Variants in SH3RF2 observed in about 807,000 individuals in gnomAD.
SH3RF2 encodes the protein SH3 domain containing ring finger 2, also known as E3 ubiquitin-protein ligase SH3RF2.
A neutral mutation model predicts 59.0 loss-of-function variants in SH3RF2; 43 were observed. The ratio of observed to expected loss-of-function variants is 0.73; its 90% CI spans 0.57 to 0.94. SH3RF2 has a LOEUF of 0.94. Ranked by LOEUF, SH3RF2 falls within the 40% of genes least tolerant of loss-of-function variation. The pLI is 0.00. For synonymous variants in SH3RF2, 391 were observed against 391.5 expected (o/e 1.00, Z 0.01); for missense variants, 930 against 940.1 (o/e 0.99, Z 0.14).
chr5:146,002,312 G>A lies in SH3RF2; in HGVS notation c.649-1746G>A, dbSNP rs558739238. 9.3e-4 allele frequency among the ~76,000 whole-genome samples: 142 copies of A among 152,198 alleles called. 1 individual carries two copies. The highest frequency in any genetic ancestry group is 2.3e-3 in the South Asian group (11 of 4,818). On this transcript the variant is annotated intron_variant, in intron 3 of 9. Coordinates refer to ENST00000359120, the MANE Select transcript of SH3RF2 (RefSeq NM_152550.4). ...CTAAAAATACAAAAATTAGTCAGGCGTGGTTGCGCGTGCCTGTAATCCCAG... is the reference window on the plus strand; with the variant it reads ...CTAAAAATACAAAAATTAGTCAGGCATGGTTGCGCGTGCCTGTAATCCCAG...
At chr5:145,975,381 T>C (rs1580799023) in intron 2 of SH3RF2, among the ~76,000 whole-genome samples, 1 of 152,216 alleles carries the variant, frequency 6.6e-6, no homozygotes, top group South Asian at 2.1e-4. Flanking sequence ...GTTGGCCAAG[T>C]CTCTCATCTT....
chr5:146,076,253 G>C (rs1580963098), intron 9 of SH3RF2, among the ~76,000 whole-genome samples: 1 of 152,158 alleles, frequency 6.6e-6, no homozygotes. Context: ...TGCAGATGCT[G>C]TAATCTGGGA....
At chr5:145,943,850 T>C (rs1757911414) in intron 2 of SH3RF2, among the ~76,000 whole-genome samples, 1 of 152,204 alleles carries the variant, frequency 6.6e-6, no homozygotes, top group Non-Finnish European at 1.5e-5. Context: ...CCTCAATTAT[T>C]TGCCGTGTGC....
intron 3 of SH3RF2, among the ~76,000 whole-genome samples, 167 bp downstream of exon 3, chr5:146,000,494 T>C (rs1760367049): frequency 6.6e-6 from 1 of 152,216 alleles, no homozygotes; most frequent in Admixed American, 6.5e-5. Flanking sequence ...AAATTACGTA[T>C]GTATATATGT....
At chr5:145,948,361 A>G (rs1282118099) in intron 2 of SH3RF2, among the ~76,000 whole-genome samples, 1 of 152,238 alleles carries the variant, frequency 6.6e-6, no homozygotes, top group Admixed American at 6.5e-5. Flanking sequence ...CAAACCTCAG[A>G]ATGCATTGCG....
intron 2 of SH3RF2, among the ~76,000 whole-genome samples, chr5:145,969,842 C>T (rs1168767354): frequency 6.6e-6 from 1 of 152,074 alleles, no homozygotes; most frequent in Non-Finnish European, 1.5e-5. Flanking sequence ...TGAGGGTGAT[C>T]AATATACACT....
chr5:146,028,228 A>C (rs1561750752), intron 5 of SH3RF2, among the ~76,000 whole-genome samples: 2 of 151,198 alleles, frequency 1.3e-5, no homozygotes, highest in Admixed American at 6.6e-5. Context: ...TTCAACAAGA[A>C]AGGAAGACAA....
intron 9 of SH3RF2, among the ~76,000 whole-genome samples, chr5:146,062,061 G>A (rs557395884): frequency 3.5e-4 from 54 of 152,274 alleles, no homozygotes; most frequent in African/African-American, 7.0e-4. Context: ...TTAATAGTAC[G>A]TAGAGAGGAG....
rs764745844 is a variant in SH3RF2 at position 145,938,270 on chromosome 5, C to T, written c.342C>T (p.Phe114=). The stretch of plus-strand genomic sequence containing the variant: ...CCAGACGTCTGCAGGCCAGTCCTTT[C>T]CGGCTAGTGCCTAATGTCAGAATCC... The part of the protein sequence containing the change: ...TNPRRLQASP[F]RLVPNVRIHM... The change falls in exon 2 of 10, where the codon TTC becomes TTT. Residue 114 remains phenylalanine, a synonymous_variant. Coordinates refer to ENST00000359120, the MANE Select transcript of SH3RF2 (RefSeq NM_152550.4). 52 of 1,583,926 alleles carry T rather than the reference C, an allele frequency of 3.3e-5. No homozygotes were observed. The highest frequency in any genetic ancestry group is 3.4e-4 in the Middle Eastern group (2 of 5,954).
chr5:145,958,816 C>T (rs765601275), intron 2 of SH3RF2, among the ~76,000 whole-genome samples: 7 of 152,152 alleles, frequency 4.6e-5, no homozygotes, highest in Non-Finnish European at 8.8e-5. Flanking sequence ...TCAGAAGCCT[C>T]CACACCAGGC....
chr5:146,070,338 G>A (rs1479590337), intron 9 of SH3RF2, among the ~76,000 whole-genome samples: 1 of 152,142 alleles, frequency 6.6e-6, no homozygotes, highest in Non-Finnish European at 1.5e-5. Context: ...TTGTCTCACA[G>A]GGTCAAGCCC....
intron 2 of SH3RF2, among the ~76,000 whole-genome samples, chr5:145,950,959 T>G (rs1313767163): frequency 2.0e-5 from 3 of 152,240 alleles, no homozygotes; most frequent in Non-Finnish European, 4.4e-5. Flanking sequence ...TTAGCCTTAC[T>G]ATGGTTATGG....
At chr5:146,023,210 TTTC>T (rs1420944577) in intron 5 of SH3RF2, among the ~76,000 whole-genome samples, 12 of 152,094 alleles carry the variant, frequency 7.9e-5, no homozygotes, top group East Asian at 1.9e-4. Context: ...TTTTTTCTTT[TTTC>T]TTTTTTCTTT....
At chr5:146,004,781 A>G (rs1488855042) in intron 4 of SH3RF2, among the ~76,000 whole-genome samples, 1 of 152,128 alleles carries the variant, frequency 6.6e-6, no homozygotes, top group African/African-American at 2.4e-5. Context: ...TTCATTGTTA[A>G]GTTTTTTAAA....
At chr5:145,987,301 A>G (rs1474919888) in intron 2 of SH3RF2, among the ~76,000 whole-genome samples, 2 of 152,154 alleles carry the variant, frequency 1.3e-5, no homozygotes, top group African/African-American at 4.8e-5. Context: ...TCACCTGAGC[A>G]ATATATACTG....
At chr5:146,035,614 C>A (rs1761911480) in intron 5 of SH3RF2, among the ~76,000 whole-genome samples, 1 of 152,202 alleles carries the variant, frequency 6.6e-6, no homozygotes, top group Admixed American at 6.5e-5. Context: ...CCCATGTCTC[C>A]TGTTTTGGTC....
At chr5:145,980,207 C>A (rs767015831) in intron 2 of SH3RF2, among the ~76,000 whole-genome samples, 1 of 152,132 alleles carries the variant, frequency 6.6e-6, no homozygotes, top group Non-Finnish European at 1.5e-5. Flanking sequence ...TAGTAACAAA[C>A]GACAAGAGTT....
rs142262740 is a variant in SH3RF2 at position 146,060,005 on chromosome 5, C to T, written c.1695C>T (p.Ala565=). The T allele has an allele frequency of 2.4e-4, 384 of 1,601,302 alleles. No homozygotes were observed. Among genetic ancestry groups the T allele is most frequent in the South Asian group, 9.6e-4 (86 of 89,244 alleles). The change falls in exon 9 of 10, where the codon GCC becomes GCT. Residue 565 remains alanine, a synonymous_variant. Transcript: ENST00000359120. ...QPQGIPSSPS[A]VVVEMGSKPA... ...AGGGGATCCCCTCCTCCCCCTCAGC[C>T]GTGGTGGTGGAGATGGGGTCCAAGC...
intron 2 of SH3RF2, among the ~76,000 whole-genome samples, chr5:145,989,605 C>T (rs1186003029): frequency 1.3e-5 from 2 of 152,174 alleles, no homozygotes; most frequent in Non-Finnish European, 2.9e-5. Context: ...CTGCATTCTC[C>T]AGTGATGGGC....
Sources: allele counts gnomAD v4.1 joint callset (sites outside exome capture counted in the v4.1 genomes callset), GRCh38; gene constraint gnomAD v4.1.1; transcripts MANE v1.5; gene names NCBI Gene and HGNC (gene_info 2026-07-23, HGNC 2026-07-21).